Variants in KDM2B observed in about 807,000 individuals in gnomAD.
KDM2B encodes lysine demethylase 2B.
Under a neutral mutation model 150.0 loss-of-function variants are expected in KDM2B, and 26 were observed. The ratio of observed to expected loss-of-function variants is 0.17; its 90% CI spans 0.13 to 0.24. The LOEUF (loss-of-function observed/expected upper bound fraction) is 0.24, where lower values mean the gene tolerates loss of function less well. Among genes scored for constraint, KDM2B ranks in the 10% least tolerant of loss-of-function variants. The pLI, the probability that KDM2B is intolerant of heterozygous loss-of-function variation, is 1.00. For missense variants in KDM2B, 1,265 were observed against 1,816.9 expected (o/e 0.70, Z 5.52); for synonymous variants, 734 against 729.5 (o/e 1.01, Z -0.10).
At chr12:121,528,575 T>A (rs1887357173) in intron 8 of KDM2B, among the ~76,000 whole-genome samples, 1 of 148,820 alleles carries the variant, frequency 6.7e-6, no homozygotes, top group Non-Finnish European at 1.5e-5. Context: ...AATGAAAAAA[T>A]AATAAATAAA....
rs181447337 is a variant in KDM2B at position 121,524,608 on chromosome 12, T to G, written c.932-3508A>C. 23 of 387,868 alleles carry G rather than the reference T, an allele frequency of 5.9e-5. No homozygotes were observed. The Admixed American group carries it at 6.5e-4, about 11-fold the overall frequency. 24.0% of individuals were successfully genotyped at this position (387,868 alleles called of 1,614,324 possible). ...CCCAGCTCTGCTCACATCTGCTTCATTACCCACATGCCTCCCTCAGTAAGA... is the reference window on the plus strand; with the variant it reads ...CCCAGCTCTGCTCACATCTGCTTCAGTACCCACATGCCTCCCTCAGTAAGA... On this transcript the variant is annotated intron_variant, in intron 8 of 22. Coordinates refer to ENST00000377071, the MANE Select transcript of KDM2B (RefSeq NM_032590.5).
At chr12:121,421,927 G>A in the KDM2B span, among the ~76,000 whole-genome samples, 5 of 152,144 alleles carry the variant, frequency 3.3e-5, no homozygotes, top group Admixed American at 2.6e-4. Flanking sequence ...ACAGGTTTAT[G>A]CCCAGAATAT....
In KDM2B at chr12:121,442,368, G is replaced by C; in HGVS notation, c.3073C>G (p.Arg1025Gly). Residue 1025 changes from arginine (R) to glycine (G), a missense_variant, in exon 19 of 23, where the codon CGG (arginine) becomes GGG (glycine). Arg to Gly is a moderately radical substitution (Grantham distance 125). This residue lies in a region of KDM2B where 418 missense variants were observed against 402.4 expected (regional missense o/e 1.04). Coordinates refer to ENST00000377071, the MANE Select transcript of KDM2B (RefSeq NM_032590.5). This position sits in a 1 kb window ranked among gnomAD's most constrained non-coding sequence, Gnocchi z 7.7. ...SLRSPPRVIS[R>G]PPPSVSPPKC... ...GGCGGGGACACGGAGGGTGGGGGCC[G>C]GGAGATGACACGGGGCGGGCTGCGC... 2 of 1,583,566 alleles carry C rather than the reference G, an allele frequency of 1.3e-6. No homozygotes were observed. Among genetic ancestry groups the C allele is most frequent in the Non-Finnish European group, 1.7e-6 (2 of 1,163,308 alleles).
chr12:121,565,110 G>A (rs1160102507), intron 4 of KDM2B, among the ~76,000 whole-genome samples: 1 of 152,070 alleles, frequency 6.6e-6, no homozygotes, highest in Non-Finnish European at 1.5e-5. Flanking sequence ...TGGTATTACA[G>A]GCTTAAGCCA....
intron 1 of KDM2B, chr12:121,580,189 G>A: frequency 6.7e-7 from 1 of 1,498,972 alleles, no homozygotes. Context: ...GATCTACAAA[G>A]TTTTGCACCA....
At chr12:121,423,704 G>A in the KDM2B span, 9 of 807,748 alleles carry the variant, frequency 1.1e-5, no homozygotes, top group Non-Finnish European at 1.7e-5. The surrounding 1 kb of genome is among the most constrained non-coding windows in gnomAD (Gnocchi z 4.3). Flanking sequence ...CTACTAAGTG[G>A]GGACAGAAAG....
intron 12 of KDM2B, among the ~76,000 whole-genome samples, chr12:121,462,034 T>C (rs1395322190): frequency 6.6e-6 from 1 of 152,238 alleles, no homozygotes; most frequent in African/African-American, 2.4e-5. Flanking sequence ...TGTAGCTATA[T>C]GTTTTTACAA....
chr12:121,532,462 G>A (rs578035051), intron 8 of KDM2B, among the ~76,000 whole-genome samples: 1 of 152,306 alleles, frequency 6.6e-6, no homozygotes, highest in East Asian at 1.9e-4. Flanking sequence ...TTCCACCTGA[G>A]GCCATGCACA....
chr12:121,426,215 T>A (rs1872503066), downstream of KDM2B, among the ~76,000 whole-genome samples: 1 of 152,196 alleles, frequency 6.6e-6, no homozygotes, highest in Non-Finnish European at 1.5e-5. Context: ...CTCTTAGATT[T>A]GTGTATTAAG....
rs932713434 is a variant in KDM2B, at chr12:121,518,414, C to G, written c.1047+2571G>C. 6.6e-6 allele frequency among the ~76,000 whole-genome samples: 1 copy of G among 152,194 alleles called. No individual in the cohort carries two copies. Among genetic ancestry groups the G allele is most frequent in the African/African-American group, 2.4e-5 (1 of 41,446 alleles). The stretch of plus-strand genomic sequence containing the variant: ...CAGAAATCAAGGCAGATTAAACAAC[C>G]TGCCGCTGCTCCCAGCCCAGTCTGC... On this transcript the variant is annotated intron_variant, in intron 9 of 22. Coordinates refer to ENST00000377071, the MANE Select transcript of KDM2B (RefSeq NM_032590.5). This position sits in a 1 kb window ranked among gnomAD's most constrained non-coding sequence, Gnocchi z 4.4.
At chr12:121,440,472 G>A in intron 21 of KDM2B, 1 of 380,494 alleles carries the variant, frequency 2.6e-6, no homozygotes, top group South Asian at 3.1e-5. Context: ...GGCAGTGGAG[G>A]CTTGAAACCA....
chr12:121,477,632 C>T (rs1212413669), intron 12 of KDM2B, among the ~76,000 whole-genome samples: 1 of 145,332 alleles, frequency 6.9e-6, no homozygotes, highest in Non-Finnish European at 1.5e-5. Context: ...GGCTGGAGTG[C>T]GATAGCATGA....
rs1236146233 is a variant in KDM2B at position 121,518,696 on chromosome 12, G to A, written c.1047+2289C>T. ...TTTACAATTGAATTCCCAGGGGGACGGGGTGGTTGTCCAGCAAGTAGCCAC... is the reference window on the plus strand; with the variant it reads ...TTTACAATTGAATTCCCAGGGGGACAGGGTGGTTGTCCAGCAAGTAGCCAC... On this transcript the variant is annotated intron_variant, in intron 9 of 22. Coordinates refer to ENST00000377071, the MANE Select transcript of KDM2B (RefSeq NM_032590.5). This position sits in a 1 kb window ranked among gnomAD's most constrained non-coding sequence, Gnocchi z 4.4. Among the ~76,000 whole-genome samples the A allele has an allele frequency of 6.6e-6, 1 of 152,208 alleles. No homozygotes were observed. Among genetic ancestry groups the A allele is most frequent in the Non-Finnish European group, 1.5e-5 (1 of 68,032 alleles).
Position 121,444,544 on chromosome 12 carries a change from G to T in KDM2B, c.2104-8C>A. 2 of 1,612,984 alleles carry T rather than the reference G, an allele frequency of 1.2e-6. No individual in the cohort carries two copies. The highest frequency in any genetic ancestry group is 2.2e-5 in the South Asian group (2 of 91,058). ...ACCCTCTGACTCCTTAATCTGCGGG[G>T]AACACCAGGACTCAGAAGAGGGACG... is the stretch of plus-strand genomic sequence containing the variant. On this transcript the variant is annotated splice_region_variant and splice_polypyrimidine_tract_variant and intron_variant, in intron 14 of 22. Transcript: ENST00000377071.
intron 2 of KDM2B, 50 bp downstream of exon 2, chr12:121,578,752 G>A (rs782814621): frequency 1.7e-6 from 2 of 1,175,366 alleles, no homozygotes; most frequent in South Asian, 1.7e-5. Flanking sequence ...CCCTCCCCAC[G>A]TGCGCTCGGC....
Position 121,575,939 on chromosome 12 carries a change from A to G in KDM2B, c.272-80T>C. 2.8e-6 allele frequency: 3 copies of G among 1,056,334 alleles called. No individual in the cohort carries two copies. Among genetic ancestry groups the G allele is most frequent in the Non-Finnish European group, 4.4e-6 (3 of 674,946 alleles). 65.4% of individuals were successfully genotyped at this position (1,056,334 alleles called of 1,614,324 possible). ...ACCGGGATCTGTTGGTTAGGGGAAG[A>G]AAACTGATGGACGAAGGGGCAGGGG... On this transcript the variant is annotated intron_variant, in intron 2 of 22. Coordinates refer to ENST00000377071, the MANE Select transcript of KDM2B (RefSeq NM_032590.5). The surrounding 1 kb of genome is among the most constrained non-coding windows in gnomAD (Gnocchi z 4.4).
chr12:121,451,473 G>A (rs1877272225), intron 13 of KDM2B, among the ~76,000 whole-genome samples: 1 of 152,138 alleles, frequency 6.6e-6, no homozygotes, highest in Non-Finnish European at 1.5e-5. Flanking sequence ...CCCAACCCTT[G>A]TGTTGTTCAA....
At chr12:121,417,430 A>G in the KDM2B span, 1 of 1,321,340 alleles carries the variant, frequency 7.6e-7, no homozygotes, top group Non-Finnish European at 1.0e-6. This position sits in a 1 kb window ranked among gnomAD's most constrained non-coding sequence, Gnocchi z 5.0. Flanking sequence ...AAATTTTAGT[A>G]GAAGGCAGAA....
At chr12:121,561,998 C>G (rs1310916883) in intron 4 of KDM2B, among the ~76,000 whole-genome samples, 8 of 151,946 alleles carry the variant, frequency 5.3e-5, no homozygotes, top group Admixed American at 3.9e-4. Flanking sequence ...ATGGCGAAAC[C>G]CTGTCTCTAC....
Sources: allele counts gnomAD v4.1 joint callset (sites outside exome capture counted in the v4.1 genomes callset), GRCh38; gene constraint gnomAD v4.1.1; regional missense constraint gnomAD v4.1.1; non-coding constraint Gnocchi (gnomAD v3.1); transcripts MANE v1.5; gene names NCBI Gene and HGNC (gene_info 2026-07-23, HGNC 2026-07-21).